PPARGC1A: variants seen among roughly 807,000 people sequenced by gnomAD.
PPARGC1A encodes peroxisome proliferator-activated receptor gamma coactivator 1-alpha.
Under a neutral mutation model 88.7 loss-of-function variants are expected in PPARGC1A, and 25 were observed. The ratio of observed to expected loss-of-function variants is 0.28; its 90% CI spans 0.21 to 0.39. PPARGC1A has a LOEUF of 0.39. PPARGC1A is among the 10% of genes least tolerant of loss of function. The pLI is 1.00. For synonymous variants in PPARGC1A, 363 were observed against 355.6 expected, an observed-to-expected ratio of 1.02 and a Z score of -0.24; for missense variants, 880 against 968.7, an observed-to-expected ratio of 0.91 and a Z score of 1.22.
chr4:24,121,409 T>C, the PPARGC1A span, among the ~76,000 whole-genome samples: 2 of 152,110 alleles, frequency 1.3e-5, no homozygotes, highest in Non-Finnish European at 2.9e-5. Context: ...TCTTTGCTCC[T>C]CCTCCTCATT....
chr4:23,864,394 G>A (rs576996696), intron 2 of PPARGC1A, among the ~76,000 whole-genome samples: 4 of 152,266 alleles, frequency 2.6e-5, no homozygotes, highest in Admixed American at 6.5e-5. Flanking sequence ...CATGGTTTCC[G>A]GCAAAATTCT....
At chr4:24,448,008 T>TGCACC in the PPARGC1A span, among the ~76,000 whole-genome samples, 7 of 152,234 alleles carry the variant, frequency 4.6e-5, no homozygotes, top group African/African-American at 1.4e-4. Context: ...TCTGCTGCAG[T>TGCACC]GCACCCTTCT....
At chr4:24,001,709 T>G in the PPARGC1A span, among the ~76,000 whole-genome samples, 2 of 152,124 alleles carry the variant, frequency 1.3e-5, no homozygotes, top group Non-Finnish European at 2.9e-5. Context: ...CATTGATCAC[T>G]GGTAATTACG....
the PPARGC1A span, among the ~76,000 whole-genome samples, chr4:23,948,718 C>T: frequency 3.3e-5 from 5 of 152,300 alleles, no homozygotes; most frequent in East Asian, 7.7e-4. Context: ...TTACAAACGC[C>T]TCTTTTCATT....
At chr4:24,470,007 T>G in the PPARGC1A span, among the ~76,000 whole-genome samples, 39 of 152,252 alleles carry the variant, frequency 2.6e-4, no homozygotes, top group African/African-American at 8.9e-4. This position sits in a 1 kb window ranked among gnomAD's most constrained non-coding sequence, Gnocchi z 5.8. Context: ...TGCAAAGCTG[T>G]ATCACTGCTT....
intron 2 of PPARGC1A, among the ~76,000 whole-genome samples, chr4:23,863,247 A>G (rs999381795): frequency 3.3e-5 from 5 of 152,042 alleles, no homozygotes; most frequent in African/African-American, 1.2e-4. Flanking sequence ...CAGCTTCCTC[A>G]CCAGGCCCCT....
the PPARGC1A span, among the ~76,000 whole-genome samples, chr4:24,088,184 C>T: frequency 1.3e-5 from 2 of 151,670 alleles, no homozygotes; most frequent in African/African-American, 2.4e-5. Context: ...TCCCAATATA[C>T]AACAAATAAA....
chr4:24,230,388 G>A, the PPARGC1A span, among the ~76,000 whole-genome samples: 21 of 152,226 alleles, frequency 1.4e-4, no homozygotes, highest in Admixed American at 1.0e-3. Flanking sequence ...ATCTGAGGCC[G>A]GGTTGTACAG....
rs2148853204 is a variant in PPARGC1A at position 23,889,994 on chromosome 4, T to A, written c.-37A>T. On this transcript the variant is annotated 5_prime_UTR_variant, in exon 1 of 13. Transcript: ENST00000264867. ...ATGACGCCAGTCAAGCTTTTTCAACTCCAATCCACAGTGACACAGAGCACA... is the reference window on the plus strand; with the variant it reads ...ATGACGCCAGTCAAGCTTTTTCAACACCAATCCACAGTGACACAGAGCACA... 2 of 1,612,632 alleles carry A rather than the reference T, an allele frequency of 1.2e-6. No homozygotes were observed. Among genetic ancestry groups the A allele is most frequent in the Non-Finnish European group, 1.7e-6 (2 of 1,179,300 alleles).
At chr4:24,410,310 T>C in the PPARGC1A span, among the ~76,000 whole-genome samples, 1 of 151,708 alleles carries the variant, frequency 6.6e-6, no homozygotes, top group Non-Finnish European at 1.5e-5. Context: ...CATATGTGTA[T>C]GGATACACAT....
At chr4:24,025,579 A>G in the PPARGC1A span, among the ~76,000 whole-genome samples, 1 of 151,968 alleles carries the variant, frequency 6.6e-6, no homozygotes, top group African/African-American at 2.4e-5. Flanking sequence ...ATACTTATTT[A>G]GAGCTGCCTG....
chr4:24,284,983 G>A, the PPARGC1A span, among the ~76,000 whole-genome samples: 7 of 152,006 alleles, frequency 4.6e-5, no homozygotes, highest in South Asian at 2.1e-4. Flanking sequence ...AGCCACGATC[G>A]GGCCACTGCA....
At chr4:24,103,711 G>A in the PPARGC1A span, among the ~76,000 whole-genome samples, 4 of 152,084 alleles carry the variant, frequency 2.6e-5, no homozygotes, top group Admixed American at 1.3e-4. Context: ...TGTTGGTAGG[G>A]TGCTGAAGCC....
At chr4:24,419,334 A>G in the PPARGC1A span, among the ~76,000 whole-genome samples, 1 of 141,266 alleles carries the variant, frequency 7.1e-6, no homozygotes, top group Non-Finnish European at 1.5e-5. Flanking sequence ...GACCAACACA[A>G]TTCCTAACAA....
the PPARGC1A span, among the ~76,000 whole-genome samples, chr4:24,395,967 T>C: frequency 6.6e-6 from 1 of 152,234 alleles, no homozygotes; most frequent in Non-Finnish European, 1.5e-5. Context: ...TTTTGGTTGG[T>C]AACTCACTCT....
intron 2 of PPARGC1A, among the ~76,000 whole-genome samples, chr4:23,877,297 A>G (rs2148803023): frequency 6.7e-6 from 1 of 148,432 alleles, no homozygotes; most frequent in South Asian, 2.1e-4. Flanking sequence ...CAGGCGAATC[A>G]CGAGGTCAGG....
At chr4:24,400,521 T>C in the PPARGC1A span, among the ~76,000 whole-genome samples, 8 of 152,212 alleles carry the variant, frequency 5.3e-5, no homozygotes, top group Non-Finnish European at 1.0e-4. Flanking sequence ...TAATACTTAA[T>C]AAACTCCCAT....
At chr4:23,851,164 C>T (rs1365595608) in intron 2 of PPARGC1A, among the ~76,000 whole-genome samples, 1 of 152,162 alleles carries the variant, frequency 6.6e-6, no homozygotes, top group African/African-American at 2.4e-5. Flanking sequence ...AATTTCATCA[C>T]TGGAACAAAA....
At chr4:24,464,335 A>G in the PPARGC1A span, among the ~76,000 whole-genome samples, 2 of 152,238 alleles carry the variant, frequency 1.3e-5, no homozygotes, top group Non-Finnish European at 1.5e-5. Flanking sequence ...AGAGATGATA[A>G]CATCTATTTT....
Sources: allele counts gnomAD v4.1 joint callset (sites outside exome capture counted in the v4.1 genomes callset), GRCh38; gene constraint gnomAD v4.1.1; non-coding constraint Gnocchi (gnomAD v3.1); transcripts MANE v1.5; gene names NCBI Gene and HGNC (gene_info 2026-07-23, HGNC 2026-07-21).